AKAP11: variants seen among roughly 807,000 people sequenced by gnomAD.
AKAP11 encodes the protein A-kinase anchoring protein 11, also known as A-kinase anchor protein 11.
Under a neutral mutation model 146.1 loss-of-function variants are expected in AKAP11, and 36 were observed. The ratio of observed to expected loss-of-function variants is 0.25; its 90% CI spans 0.19 to 0.33. The LOEUF (loss-of-function observed/expected upper bound fraction) is 0.33, where lower values mean the gene tolerates loss of function less well. Among genes scored for constraint, AKAP11 ranks in the 10% least tolerant of loss-of-function variants. AKAP11 has a pLI of 1.00. For synonymous variants in AKAP11, 780 were observed against 786.5 expected, an observed-to-expected ratio of 0.99 and a Z score of 0.14; for missense variants, 2,201 against 2,197.0, an observed-to-expected ratio of 1.00 and a Z score of -0.04.
intron 11 of AKAP11, among the ~76,000 whole-genome samples, 162 bp from the exon 12 acceptor site, chr13:42,317,366 A>C (rs1960870013): frequency 6.6e-6 from 1 of 152,162 alleles, no homozygotes; most frequent in African/African-American, 2.4e-5. Context: ...GCCCTTTAGA[A>C]GTTTTAGTTG....
Position 42,322,716 on chromosome 13 carries a change from A to G in AKAP11, c.*3488A>G, listed in dbSNP as rs1437312984. ...CTCTAAGCATTTACTCATTTACTGT[A>G]TTCCTGCTCTGAAGATGTGGATACA... On this transcript the variant is annotated 3_prime_UTR_variant, in exon 13 of 13. Coordinates refer to ENST00000025301, the MANE Select transcript of AKAP11 (RefSeq NM_016248.4). 1 of 152,494 alleles carries G rather than the reference A, an allele frequency of 6.6e-6. No homozygotes were observed. Among genetic ancestry groups the G allele is most frequent in the Non-Finnish European group, 1.5e-5 (1 of 67,974 alleles). The allele number at this position is 152,494 out of a possible 1,614,324, so 9.4% of individuals were successfully genotyped here.
chr13:42,294,376 G>A (rs1385683718), intron 4 of AKAP11, among the ~76,000 whole-genome samples: 3 of 151,942 alleles, frequency 2.0e-5, no homozygotes, highest in African/African-American at 4.8e-5. Flanking sequence ...ACTTTTTCAG[G>A]TTATAAAAGT....
At chr13:42,284,287 CAAA>C (rs1959123932) in intron 1 of AKAP11, among the ~76,000 whole-genome samples, 1 of 152,214 alleles carries the variant, frequency 6.6e-6, no homozygotes, top group South Asian at 2.1e-4. Flanking sequence ...AATGCTGAGT[CAAA>C]GAAGTATTTC....
chr13:42,302,915 A>G lies in AKAP11; in HGVS notation c.4169A>G (p.Gln1390Arg). 1 of 1,614,036 alleles carries G rather than the reference A, an allele frequency of 6.2e-7. No homozygotes were observed. Among genetic ancestry groups the G allele is most frequent in the Non-Finnish European group, 8.5e-7 (1 of 1,180,008 alleles). Residue 1390 changes from glutamine to arginine, a missense_variant, in exon 8 of 13, where the codon CAG becomes CGG. Around this residue, in one of 3 missense-constraint regions of AKAP11, gnomAD observed 1,867 missense variants for 1,833.5 expected, o/e 1.02. Transcript: ENST00000025301. ...GAAGCAGCTAAGACAACCAAAGTGCAGTGCAACTCAAGAATGTTCCCTGTG... is the reference window on the plus strand; with the variant it reads ...GAAGCAGCTAAGACAACCAAAGTGCGGTGCAACTCAAGAATGTTCCCTGTG... ...LQEAAKTTKV[Q>R]CNSRMFPVPS...
Position 42,302,585 on chromosome 13 carries a change from G to C in AKAP11, c.3839G>C (p.Cys1280Ser). The C allele has an allele frequency of 6.2e-7, 1 of 1,614,172 alleles. No individual in the cohort carries two copies. Among genetic ancestry groups the C allele is most frequent in the Non-Finnish European group, 8.5e-7 (1 of 1,180,024 alleles). ...GAGAAAATAGCAAAAGTCCGAAATT[G>C]TATGCTTTTCAAGCAAAAGAAGAAC... ...EAEKIAKVRN[C>S]MLFKQKKNSC... The change falls in exon 8 of 13, where the codon TGT (cysteine) becomes TCT (serine). Residue 1280 changes from cysteine (C) to serine (S), a missense_variant. Around this residue, in one of 3 missense-constraint regions of AKAP11, gnomAD observed 1,867 missense variants for 1,833.5 expected, o/e 1.02. Transcript: ENST00000025301.
chr13:42,301,976 T>G lies in AKAP11; in HGVS notation c.3230T>G (p.Leu1077Arg), dbSNP rs142388243. 5.6e-6 allele frequency: 9 copies of G among 1,614,020 alleles called. No homozygotes were observed. The African/African-American group carries it at 1.2e-4, about 22-fold the overall frequency. Residue 1077 changes from leucine (L) to arginine (R), a missense_variant, in exon 8 of 13, where the codon CTT becomes CGT. Leu to Arg is a moderately radical substitution (Grantham distance 102). Coordinates refer to ENST00000025301, the MANE Select transcript of AKAP11 (RefSeq NM_016248.4). ...TCACATACTTTCTCATCTACAGCAC[T>G]TACCTGTGTAGATGGTTTGCATGTG... The part of the protein sequence containing the change: ...PHSHTFSSTA[L>R]TCVDGLHVED...
Position 42,301,069 on chromosome 13 carries a change from G to A in AKAP11, c.2323G>A (p.Gly775Arg). 2 of 1,614,080 alleles carry A rather than the reference G, an allele frequency of 1.2e-6. No individual in the cohort carries two copies. The highest frequency in any genetic ancestry group is 1.7e-6 in the Non-Finnish European group (2 of 1,179,968). Residue 775 changes from glycine to arginine, a missense_variant, in exon 8 of 13, where the codon GGA becomes AGA. By Grantham distance (125) the Gly-to-Arg change is moderately radical. Transcript: ENST00000025301. ...TVQQALFCTSGIVTSIPVPLA... is the reference protein window; with the variant it reads ...TVQQALFCTSRIVTSIPVPLA... ...GCAGCAGGCCTTGTTTTGTACTTCT[G>A]GAATTGTTACTTCTATACCGGTGCC...
intron 1 of AKAP11, among the ~76,000 whole-genome samples, chr13:42,283,988 G>C (rs1959114894): frequency 6.6e-6 from 1 of 152,160 alleles, no homozygotes; most frequent in Admixed American, 6.5e-5. Context: ...AAACCTTTAT[G>C]CACTGTAGAG....
chr13:42,301,700 C>T lies in AKAP11; in HGVS notation c.2954C>T (p.Ser985Phe). 6.2e-7 allele frequency: 1 copy of T among 1,614,146 alleles called. No individual in the cohort carries two copies. The highest frequency in any genetic ancestry group is 8.5e-7 in the Non-Finnish European group (1 of 1,180,012). Residue 985 changes from serine to phenylalanine, a missense_variant, in exon 8 of 13, where the codon TCT becomes TTT. By Grantham distance (155) the Ser-to-Phe change is radical. Transcript: ENST00000025301. ...GAATCACAGTTGACACCAGAAAAGTCTCCCAAATTTCCTGACTCTCAGAAT... is the reference window on the plus strand; with the variant it reads ...GAATCACAGTTGACACCAGAAAAGTTTCCCAAATTTCCTGACTCTCAGAAT... ...GEESQLTPEKSPKFPDSQNQL... is the reference protein window; with the variant it reads ...GEESQLTPEKFPKFPDSQNQL...
In AKAP11 at chr13:42,300,073, G is replaced by A; in HGVS notation, c.1327G>A (p.Asp443Asn). The change falls in exon 8 of 13, where the codon GAT becomes AAT. Residue 443 changes from aspartate to asparagine, a missense_variant. Around this residue, in one of 3 missense-constraint regions of AKAP11, gnomAD observed 1,867 missense variants for 1,833.5 expected, o/e 1.02. Coordinates refer to ENST00000025301, the MANE Select transcript of AKAP11 (RefSeq NM_016248.4). Reference sequence around the variant, plus strand: ...TCGCCCAGTGAAGGCATCAAGGGAAGATAGTGGTTTATTTAGTCCTATTCG... The same window carrying A: ...TCGCCCAGTGAAGGCATCAAGGGAAAATAGTGGTTTATTTAGTCCTATTCG... ...SPRPVKASRE[D>N]SGLFSPIRSS... 1 of 1,613,942 alleles carries A rather than the reference G, an allele frequency of 6.2e-7. No individual in the cohort carries two copies. The highest frequency in any genetic ancestry group is 8.5e-7 in the Non-Finnish European group (1 of 1,179,834).
chr13:42,298,878 G>T (rs932705248), intron 7 of AKAP11, 81 bp downstream of exon 7: 117 of 1,377,752 alleles, frequency 8.5e-5, no homozygotes, highest in Non-Finnish European at 1.1e-4. Flanking sequence ...GGCTTGTTCA[G>T]TTGAAATTTA....
chr13:42,275,178 A>G (rs1476824390), intron 1 of AKAP11, among the ~76,000 whole-genome samples: 1 of 152,192 alleles, frequency 6.6e-6, no homozygotes, highest in Non-Finnish European at 1.5e-5. Context: ...ACATGGTCTT[A>G]TGTCTCTGCT....
At chr13:42,294,964 A>G (rs1189860583) in intron 4 of AKAP11, among the ~76,000 whole-genome samples, 1 of 152,192 alleles carries the variant, frequency 6.6e-6, no homozygotes, top group Non-Finnish European at 1.5e-5. Context: ...TTACTTAATA[A>G]TGTGACAGTT....
In AKAP11 at chr13:42,292,374, T is replaced by C. The variant is rs764635646; in HGVS notation, c.52-11T>C. 1 of 1,490,624 alleles carries C rather than the reference T, an allele frequency of 6.7e-7. No homozygotes were observed. The highest frequency in any genetic ancestry group is 1.4e-5 in the African/African-American group (1 of 73,102). 92.3% of individuals were successfully genotyped at this position (1,490,624 alleles called of 1,614,324 possible). A position where few individuals can be genotyped will look rare whatever the true frequency, so the allele number is the denominator to read the frequency against. ...TAAATTTGAAATATCTTTGCTTTCT[T>C]TCCCCTGCAGAGCTTCAGTGAAGAT... On this transcript the variant is annotated splice_polypyrimidine_tract_variant and intron_variant, in intron 3 of 12. Transcript: ENST00000025301.
chr13:42,313,773 C>G, intron 10 of AKAP11, 121 bp from the exon 11 acceptor site: 1 of 762,826 alleles, frequency 1.3e-6, no homozygotes, highest in Non-Finnish European at 2.0e-6. Flanking sequence ...CATTTCTCCC[C>G]TTTCTAAATG....
At position 42,320,284 on chromosome 13, in the gene AKAP11, T is replaced by C. The variant is rs1046622669; in HGVS notation, c.*1056T>C. On this transcript the variant is annotated 3_prime_UTR_variant, in exon 13 of 13. Transcript: ENST00000025301. The stretch of plus-strand genomic sequence containing the variant: ...GTGGTGTTTTTTTTGTTTGTTTGTT[T>C]GTTTGTTTTAGAAAAATTGGGATTT... The C allele has an allele frequency of 1.3e-5, 2 of 152,204 alleles. No individual in the cohort carries two copies. The highest frequency in any genetic ancestry group is 2.9e-5 in the Non-Finnish European group (2 of 67,976). 9.4% of individuals were successfully genotyped at this position (152,204 alleles called of 1,614,324 possible). A position where few individuals can be genotyped will look rare whatever the true frequency, so the allele number is the denominator to read the frequency against.
chr13:42,298,700 T>C lies in AKAP11; in HGVS notation c.519T>C (p.Asp173=), dbSNP rs1319348473. 3 of 1,611,722 alleles carry C rather than the reference T, an allele frequency of 1.9e-6. No homozygotes were observed. The Admixed American group carries it at 5.1e-5, about 27-fold the overall frequency. The change falls in exon 7 of 13, where the codon GAT becomes GAC. Residue 173 remains aspartate, a synonymous_variant. Transcript: ENST00000025301. ...KHQLETTDED[D]DDTNQSVSSI... is the part of the protein sequence containing the mutation. ...AACTTGAGACCACTGATGAAGATGA[T>C]GATGATACTAACCAGTCTGTGTCAT...
intron 1 of AKAP11, among the ~76,000 whole-genome samples, chr13:42,279,263 C>CCACACACACA (rs144570815): frequency 3.3e-4 from 50 of 150,174 alleles, no homozygotes; most frequent in Admixed American, 1.2e-3. Context: ...ACGTGCACAC[C>CCACACACACA]CACACACACA....
intron 9 of AKAP11, 124 bp from the exon 10 acceptor site, chr13:42,312,923 C>A: frequency 4.1e-6 from 3 of 733,758 alleles, no homozygotes; most frequent in Middle Eastern, 2.3e-4. Context: ...TCTGGATGTT[C>A]CCCTTCACTG....
Sources: allele counts gnomAD v4.1 joint callset (sites outside exome capture counted in the v4.1 genomes callset), GRCh38; gene constraint gnomAD v4.1.1; regional missense constraint gnomAD v4.1.1; transcripts MANE v1.5; gene names NCBI Gene and HGNC (gene_info 2026-07-23, HGNC 2026-07-21).